Variants in AZIN1 observed in about 807,000 individuals in gnomAD.
The protein encoded by AZIN1 is antizyme inhibitor 1.
In AZIN1, 12 loss-of-function variants were observed where a neutral mutation model predicts 47.4. That is an observed-to-expected ratio of 0.25 (90% CI 0.16 to 0.41). The LOEUF is 0.41. Ranked by LOEUF, AZIN1 falls within the 10% of genes least tolerant of loss-of-function variation. The probability of loss-of-function intolerance (pLI) is 1.00; values close to 1 mark genes in which losing one functional copy is unlikely to be tolerated. For missense variants in AZIN1, 410 were observed against 532.4 expected (o/e 0.77, Z 2.26); for synonymous variants, 155 against 176.3 (o/e 0.88, Z 0.96).
At chr8:102,859,817 C>G (rs1813518874) in intron 1 of AZIN1, among the ~76,000 whole-genome samples, 1 of 152,130 alleles carries the variant, frequency 6.6e-6, no homozygotes. Flanking sequence ...GCCCAGGCAA[C>G]AGAGGGAGAA....
At chr8:102,842,702 A>C (rs1812283309) in intron 3 of AZIN1, among the ~76,000 whole-genome samples, 1 of 124,308 alleles carries the variant, frequency 8.0e-6, no homozygotes, top group African/African-American at 3.1e-5. Context: ...GGGAGACTCC[A>C]TCTCAAAAAA....
intron 5 of AZIN1, among the ~76,000 whole-genome samples, chr8:102,837,229 T>G (rs1811880126): frequency 1.3e-5 from 2 of 152,188 alleles, no homozygotes; most frequent in Non-Finnish European, 2.9e-5. Context: ...CCAGAAAGCT[T>G]TTTAAAAAAT....
Position 102,849,388 on chromosome 8 carries a change from T to C in AZIN1, c.-95-5641A>G, listed in dbSNP as rs140868315. 4.5e-3 allele frequency among the ~76,000 whole-genome samples: 685 copies of C among 152,292 alleles called. 3 individuals carry two copies. Among genetic ancestry groups the C allele is most frequent in the Non-Finnish European group, 8.0e-3 (541 of 68,030 alleles). ...AATGCAGACTCAAACCAAGGTGATA[T>C]ATCAAGTATCTCCTTGCAATTCTGA... On this transcript the variant is annotated intron_variant, in intron 2 of 11. Transcript: ENST00000337198.
intron 5 of AZIN1, 179 bp from the exon 6 acceptor site, chr8:102,836,569 G>T: frequency 1.6e-6 from 1 of 609,528 alleles, no homozygotes; most frequent in Non-Finnish European, 2.8e-6. Flanking sequence ...TAGCAATTAG[G>T]GCCTAAAGCA....
chr8:102,841,430 C>T (rs1020260199), intron 3 of AZIN1, among the ~76,000 whole-genome samples: 2 of 151,950 alleles, frequency 1.3e-5, no homozygotes, highest in African/African-American at 4.8e-5. Flanking sequence ...TATATCTGAC[C>T]CCCGAAAAGT....
intron 2 of AZIN1, 50 bp from the exon 3 acceptor site, chr8:102,843,797 A>C: frequency 7.8e-7 from 1 of 1,286,918 alleles, no homozygotes; most frequent in South Asian, 2.0e-5. Context: ...AATAGACATA[A>C]TGTACGAGTC....
intron 9 of AZIN1, among the ~76,000 whole-genome samples, chr8:102,832,329 GTCT>G (rs1281587812): frequency 6.6e-6 from 1 of 151,760 alleles, no homozygotes; most frequent in Admixed American, 6.6e-5. Flanking sequence ...AAAAAAAAAA[GTCT>G]TCTTAATGTA....
Position 102,839,823 on chromosome 8 carries a change from T to C in AZIN1, c.103A>G (p.Thr35Ala). The C allele has an allele frequency of 6.4e-7, 1 of 1,559,714 alleles. No individual in the cohort carries two copies. The highest frequency in any genetic ancestry group is 8.7e-7 in the Non-Finnish European group (1 of 1,153,694). The change falls in exon 4 of 12, where the codon ACA becomes GCA. Residue 35 changes from threonine to alanine, a missense_variant and splice_region_variant. Transcript: ENST00000337198. Reference protein sequence around the residue: ...IDNYVYEHTLTGKNAFFVGDL... With the variant: ...IDNYVYEHTLAGKNAFFVGDL... The stretch of plus-strand genomic sequence containing the variant: ...CCCACAAAAAATGCATTTTTCCCTG[T>C]CTATTATGGTTATAAAAAAAAAGAC...
intron 3 of AZIN1, among the ~76,000 whole-genome samples, chr8:102,842,432 G>A (rs539029953): frequency 2.0e-5 from 3 of 151,684 alleles, no homozygotes; most frequent in Non-Finnish European, 4.4e-5. Context: ...TAGGCCAGGC[G>A]CAGTGGCTCA....
At chr8:102,855,567 G>A (rs1416804229) in intron 2 of AZIN1, 1 of 152,184 alleles carries the variant, frequency 6.6e-6, no homozygotes, top group East Asian at 1.9e-4. Flanking sequence ...AAATTCAGGT[G>A]GTTGATTTAA....
intron 4 of AZIN1, 30 bp downstream of exon 4, chr8:102,839,620 C>A: frequency 6.8e-7 from 1 of 1,469,026 alleles, no homozygotes; most frequent in South Asian, 1.4e-5. Flanking sequence ...TTCAATGTTT[C>A]AGTTTAGTTA....
chr8:102,857,392 A>G (rs1813359611), intron 2 of AZIN1, among the ~76,000 whole-genome samples: 1 of 151,990 alleles, frequency 6.6e-6, no homozygotes, highest in Non-Finnish European at 1.5e-5. Context: ...TATACCACAA[A>G]ATTTTTAAAT....
At chr8:102,835,872 A>C (rs1296484918) in intron 6 of AZIN1, among the ~76,000 whole-genome samples, 2 of 152,188 alleles carry the variant, frequency 1.3e-5, no homozygotes, top group African/African-American at 4.8e-5. Context: ...AGCAAAGTCT[A>C]ATTTATTGAA....
chr8:102,860,544 T>A (rs927759773), intron 1 of AZIN1, among the ~76,000 whole-genome samples: 1 of 152,166 alleles, frequency 6.6e-6, no homozygotes, highest in Non-Finnish European at 1.5e-5. Flanking sequence ...ATTACAGGCA[T>A]GAGCCACCAC....
In AZIN1 at chr8:102,831,805, C is replaced by A. The variant is rs138670404; in HGVS notation, c.904+1251G>T. On this transcript the variant is annotated intron_variant, in intron 9 of 11. Transcript: ENST00000337198. ...TCTACAAAATAAAAATAGAAAAAAA[C>A]CTAGCCAGGCATGGTGGCATATGCC... Among the ~76,000 whole-genome samples the A allele has an allele frequency of 9.0e-3, 1,373 of 151,942 alleles. 20 individuals carry two copies. The highest frequency in any genetic ancestry group is 0.041 in the Middle Eastern group (12 of 294).
chr8:102,863,385 A>G (rs2436851), intron 1 of AZIN1, among the ~76,000 whole-genome samples: 32,638 of 150,918 alleles, frequency 0.22, 4,084 homozygotes, highest in South Asian at 0.38. Context: ...ACCGCGGAGT[A>G]GGGGCTGCGG....
intron 7 of AZIN1, 98 bp downstream of exon 7, chr8:102,834,568 G>T: frequency 1.1e-6 from 1 of 875,342 alleles, no homozygotes; most frequent in Non-Finnish European, 1.8e-6. Flanking sequence ...CACGTTGAAT[G>T]TAGTCAGAGT....
intron 1 of AZIN1, among the ~76,000 whole-genome samples, chr8:102,860,517 C>A (rs1399618656): frequency 6.6e-6 from 1 of 152,140 alleles, no homozygotes; most frequent in Non-Finnish European, 1.5e-5. Flanking sequence ...CCCACCTCGA[C>A]CTCCCAAAGT....
chr8:102,838,658 C>T, intron 5 of AZIN1, 86 bp downstream of exon 5: 2 of 1,132,146 alleles, frequency 1.8e-6, no homozygotes, highest in Non-Finnish European at 1.2e-6. Flanking sequence ...TGCCCTACCA[C>T]AAATGCTCCT....
Sources: gnomAD v4.1 joint callset for allele counts (sites outside exome capture counted in the v4.1 genomes callset) on GRCh38, gnomAD v4.1.1 for gene constraint, MANE v1.5 for transcripts, NCBI Gene and HGNC (gene_info 2026-07-23, HGNC 2026-07-21) for gene names.